MGAM: variants seen among roughly 807,000 people sequenced by gnomAD.
MGAM encodes the protein alpha-1,4-glucosidase.
MGAM carries 253 observed loss-of-function variants against 358.8 expected under a neutral mutation model. That is an observed-to-expected ratio of 0.71 (90% CI 0.64 to 0.78). The LOEUF (loss-of-function observed/expected upper bound fraction) is 0.78. Among genes scored for constraint, MGAM ranks in the 30% least tolerant of loss-of-function variants. The pLI is 0.00. For synonymous variants in MGAM, 1,105 were observed against 1,227.1 expected, an observed-to-expected ratio of 0.90 and a Z score of 2.08; for missense variants, 3,080 against 3,432.6, an observed-to-expected ratio of 0.90 and a Z score of 2.57.
chr7:142,055,838 C>T, intron 28 of MGAM, 112 bp downstream of exon 28: 2 of 1,518,888 alleles, frequency 1.3e-6, no homozygotes, highest in Non-Finnish European at 1.8e-6. Flanking sequence ...TGCTTTTAGG[C>T]AAGTGGGCCA....
At chr7:141,989,504 A>G (rs1554446858) in intron 2 of MGAM, among the ~76,000 whole-genome samples, 1 of 151,778 alleles carries the variant, frequency 6.6e-6, no homozygotes, top group Non-Finnish European at 1.5e-5. Flanking sequence ...AGAGGACCTC[A>G]TATTTAAGCC....
At chr7:142,039,247 A>C (rs1302340045) in intron 19 of MGAM, among the ~76,000 whole-genome samples, 5 of 151,686 alleles carry the variant, frequency 3.3e-5, no homozygotes, top group Non-Finnish European at 5.9e-5. Flanking sequence ...CTGGGGTTAC[A>C]GGCACCTGCC....
intron 57 of MGAM, among the ~76,000 whole-genome samples, chr7:142,090,840 A>G (rs1235755909): frequency 6.8e-6 from 1 of 146,758 alleles, no homozygotes; most frequent in African/African-American, 2.4e-5. Flanking sequence ...ACCATTAAAC[A>G]GTGAGTATAT....
At chr7:142,045,011 T>C (rs1466860856) in intron 21 of MGAM, among the ~76,000 whole-genome samples, 1 of 102,992 alleles carries the variant, frequency 9.7e-6, no homozygotes, top group Non-Finnish European at 1.9e-5. Flanking sequence ...ATATATGATA[T>C]ATAATATGTA....
intron 47 of MGAM, 24 bp downstream of exon 47, chr7:142,076,850 G>A: frequency 6.5e-7 from 1 of 1,541,912 alleles, no homozygotes; most frequent in Non-Finnish European, 8.9e-7. Flanking sequence ...TTGTTGAGAT[G>A]GTACATTGAG....
Position 142,040,754 on chromosome 7 carries a change from C to A in MGAM, c.2406C>A (p.Val802=). Residue 802 remains valine (V), a synonymous_variant, in exon 21 of 71, where the codon GTC becomes GTA. Transcript: ENST00000475668. ...GSQVRWRKQK[V]EMELPGDKIG... ...AAGTGAGATGGAGGAAGCAAAAAGT[C>A]GAGATGGAACTTCCTGGAGACAAAA... The A allele has an allele frequency of 1.9e-6, 3 of 1,613,132 alleles. No individual in the cohort carries two copies. Among genetic ancestry groups the A allele is most frequent in the Non-Finnish European group, 2.5e-6 (3 of 1,179,478 alleles).
chr7:142,057,407 ATGG>A (rs1481714639), intron 30 of MGAM, among the ~76,000 whole-genome samples: 9 of 149,182 alleles, frequency 6.0e-5, no homozygotes, highest in Admixed American at 5.3e-4. Context: ...TGTGGTAGTG[ATGG>A]TGATGATGAT....
intron 10 of MGAM, among the ~76,000 whole-genome samples, chr7:142,028,552 A>G (rs932064137): frequency 6.6e-6 from 1 of 152,336 alleles, no homozygotes; most frequent in East Asian, 1.9e-4. Context: ...GATGTGAAAA[A>G]TAATACAAGT....
intron 26 of MGAM, among the ~76,000 whole-genome samples, 192 bp from the exon 27 acceptor site, chr7:142,054,562 C>A (rs1811303760): frequency 6.6e-6 from 1 of 151,930 alleles, no homozygotes; most frequent in Admixed American, 6.6e-5. Context: ...TAATAGAGGC[C>A]TTAATAATGA....
rs777120427 is a variant in MGAM at position 142,094,596 on chromosome 7, A to C, written c.7307-24A>C. The C allele has an allele frequency of 2.1e-5, 33 of 1,602,636 alleles. 3 individuals carry two copies. The highest frequency in any genetic ancestry group is 2.7e-5 in the Non-Finnish European group (32 of 1,172,048). The stretch of plus-strand genomic sequence containing the variant: ...AGGTCGTGAGAGCGAGCCTGGTGTG[A>C]CACAGCTGTGCTTCTCGTTGCAGGC... On this transcript the variant is annotated intron_variant, in intron 61 of 70. Coordinates refer to ENST00000475668, the MANE Select transcript of MGAM (RefSeq NM_001365693.1).
chr7:142,045,683 T>A (rs187297792), intron 21 of MGAM, among the ~76,000 whole-genome samples: 25 of 87,940 alleles, frequency 2.8e-4, no homozygotes, highest in African/African-American at 2.2e-3. Context: ...ATAATATATA[T>A]TATATACATA....
In MGAM at chr7:142,055,617, G is replaced by A. The variant is rs758260512; in HGVS notation, c.3374G>A (p.Arg1125His). The A allele has an allele frequency of 9.3e-6, 15 of 1,613,850 alleles. No homozygotes were observed. The Admixed American group carries it at 1.2e-4, about 13-fold the overall frequency. Residue 1125 changes from arginine (R) to histidine (H), a missense_variant, in exon 28 of 71, where the codon CGC (arginine) becomes CAC (histidine). Coordinates refer to ENST00000475668, the MANE Select transcript of MGAM (RefSeq NM_001365693.1). ...GACATGTTTATCCGCATCTCCACCC[G>A]CCTTCCCTCCAAGTACCTCTATGGC... ...FSDMFIRIST[R>H]LPSKYLYGFG...
In MGAM at chr7:142,068,555, A is replaced by G. The variant is rs575337906; in HGVS notation, c.5005-92A>G. 7 of 1,040,162 alleles carry G rather than the reference A, an allele frequency of 6.7e-6. 1 individual carries two copies. The highest frequency in any genetic ancestry group is 1.0e-5 in the Non-Finnish European group (7 of 682,128). 64.4% of individuals were successfully genotyped at this position (1,040,162 alleles called of 1,614,324 possible). On this transcript the variant is annotated intron_variant, in intron 42 of 70. Coordinates refer to ENST00000475668, the MANE Select transcript of MGAM (RefSeq NM_001365693.1). ...ACATGAGGCAGCTGGGTCCAAAGCC[A>G]TCACAATTATTTCACCTCTTTCCTA...
In MGAM at chr7:142,027,664, C is replaced by T. The variant is rs1243727908; in HGVS notation, c.1150C>T (p.Arg384Cys). ...SYWALGFHLS[R>C]YEYGTLDNMR... ...CTGGGCGCTTGGATTTCACCTCAGT[C>T]GTTACGAATATGGAACCTTAGACAA... Residue 384 changes from arginine to cysteine, a missense_variant, in exon 10 of 71, where the codon CGT becomes TGT. By Grantham distance (180) the Arg-to-Cys change is radical. This residue lies in a region of MGAM where 1,816 missense variants were observed against 1,840.5 expected (regional missense o/e 0.99). Coordinates refer to ENST00000475668, the MANE Select transcript of MGAM (RefSeq NM_001365693.1). The T allele has an allele frequency of 1.6e-5, 26 of 1,613,556 alleles. No homozygotes were observed. Among genetic ancestry groups the T allele is most frequent in the Admixed American group, 1.7e-5 (1 of 59,974 alleles).
At position 142,068,678 on chromosome 7, in the gene MGAM, G is replaced by C. The variant is rs763971516; in HGVS notation, c.5036G>C (p.Arg1679Thr). 4 of 1,538,208 alleles carry C rather than the reference G, an allele frequency of 2.6e-6. No individual in the cohort carries two copies. The Admixed American group carries it at 6.8e-5, about 26-fold the overall frequency. ...AGAAATGTCACTGCATATTTCCCTA[G>C]AGCCCGTTGGTACGATTACTACACG... ...NARNVTAYFP[R>T]ARWYDYYTGV... Residue 1679 changes from arginine to threonine, a missense_variant, in exon 43 of 71, where the codon AGA becomes ACA. By Grantham distance (71) the Arg-to-Thr change is moderately conservative. Transcript: ENST00000475668.
chr7:142,001,304 C>A (rs887284661), intron 1 of MGAM, among the ~76,000 whole-genome samples: 1 of 152,166 alleles, frequency 6.6e-6, no homozygotes, highest in African/African-American at 2.4e-5. Flanking sequence ...TGACTAACAG[C>A]AGTTTCTTAT....
chr7:142,042,031 T>A (rs1371951610), intron 21 of MGAM, among the ~76,000 whole-genome samples: 5 of 8,916 alleles, frequency 5.6e-4, no homozygotes, highest in African/African-American at 2.4e-3. Context: ...ATATATTATA[T>A]TATATACATA....
chr7:142,007,195 G>A (rs973168119), intron 2 of MGAM, among the ~76,000 whole-genome samples: 1 of 152,140 alleles, frequency 6.6e-6, no homozygotes, highest in Admixed American at 6.6e-5. Context: ...TCTACTTTGA[G>A]TTTATTTTAG....
chr7:142,053,903 C>T (rs1214307411), intron 26 of MGAM, among the ~76,000 whole-genome samples: 1 of 152,102 alleles, frequency 6.6e-6, no homozygotes, highest in Non-Finnish European at 1.5e-5. Context: ...AATGAACTTC[C>T]CTGGAGTTCT....
Sources: gnomAD v4.1 joint callset for allele counts (sites outside exome capture counted in the v4.1 genomes callset) on GRCh38, gnomAD v4.1.1 for gene constraint, gnomAD v4.1.1 regional missense constraint, MANE v1.5 for transcripts, NCBI Gene and HGNC (gene_info 2026-07-23, HGNC 2026-07-21) for gene names.